EIF4B: variants seen among roughly 807,000 people sequenced by gnomAD.
The protein encoded by EIF4B is eukaryotic translation initiation factor 4B.
Under a neutral mutation model 79.3 loss-of-function variants are expected in EIF4B, and 8 were observed. The ratio of observed to expected loss-of-function variants is 0.10; its 90% CI spans 0.06 to 0.18. The LOEUF is 0.18. EIF4B is among the 10% of genes least tolerant of loss of function. The pLI is 1.00. For missense variants in EIF4B, 515 were observed against 792.4 expected (o/e 0.65, Z 4.20); for synonymous variants, 238 against 274.7 (o/e 0.87, Z 1.32).
chr12:53,034,522 G>A, intron 9 of EIF4B, 90 bp from the exon 10 acceptor site: 2 of 1,174,520 alleles, frequency 1.7e-6, no homozygotes, highest in South Asian at 2.5e-5. Context: ...TATAGATGAA[G>A]TAAGTGATGG....
chr12:53,019,694 G>A (rs1461817537), intron 3 of EIF4B, among the ~76,000 whole-genome samples: 1 of 88,038 alleles, frequency 1.1e-5, no homozygotes, highest in African/African-American at 3.1e-5. Context: ...TTTTTTTTTA[G>A]AGTTAAATTC....
intron 2 of EIF4B, among the ~76,000 whole-genome samples, chr12:53,017,930 G>A (rs139898777): frequency 1.2e-3 from 178 of 152,306 alleles, no homozygotes; most frequent in African/African-American, 4.2e-3. Flanking sequence ...TCCCATAGGT[G>A]TTGGTATCTG....
At chr12:53,008,076 G>T (rs1251489798) in intron 1 of EIF4B, among the ~76,000 whole-genome samples, 1 of 152,170 alleles carries the variant, frequency 6.6e-6, no homozygotes, top group Non-Finnish European at 1.5e-5. Flanking sequence ...GCTAGTAAAA[G>T]TCCTAAATAT....
intron 1 of EIF4B, among the ~76,000 whole-genome samples, chr12:53,006,930 G>C (rs934350636): frequency 6.6e-6 from 1 of 151,022 alleles, no homozygotes; most frequent in Admixed American, 6.6e-5. Flanking sequence ...GACCGGAGTG[G>C]GGGGTAGGGG....
intron 4 of EIF4B, among the ~76,000 whole-genome samples, 197 bp downstream of exon 4, chr12:53,020,223 C>T (rs147557196): frequency 6.6e-6 from 1 of 152,114 alleles, no homozygotes; most frequent in African/African-American, 2.4e-5. Flanking sequence ...TCAGTAGGCC[C>T]CAATAATTTA....
intron 1 of EIF4B, among the ~76,000 whole-genome samples, chr12:53,008,320 T>C (rs933923042): frequency 4.6e-5 from 7 of 152,234 alleles, no homozygotes; most frequent in Non-Finnish European, 8.8e-5. Context: ...ATATTTACTC[T>C]ACCCCCTTGA....
intron 1 of EIF4B, among the ~76,000 whole-genome samples, chr12:53,015,784 C>T (rs1355339662): frequency 6.6e-6 from 1 of 151,912 alleles, no homozygotes; most frequent in Non-Finnish European, 1.5e-5. Context: ...CAAGACCAGC[C>T]TGGCCAACAT....
intron 6 of EIF4B, among the ~76,000 whole-genome samples, chr12:53,022,958 G>A (rs1309551709): frequency 1.3e-5 from 2 of 152,044 alleles, no homozygotes; most frequent in East Asian, 3.9e-4. Flanking sequence ...AAGGCCAGGA[G>A]TTTGAGAGCA....
intron 1 of EIF4B, among the ~76,000 whole-genome samples, chr12:53,011,267 AT>A (rs773727860): frequency 3.3e-5 from 5 of 152,148 alleles, no homozygotes; most frequent in African/African-American, 7.2e-5. Context: ...ACCCTGTATG[AT>A]TTGGTGGGGT....
Position 53,038,395 on chromosome 12 carries a change from A to G in EIF4B, c.1560A>G (p.Glu520=), listed in dbSNP as rs967916005. Residue 520 remains glutamate, a synonymous_variant, in exon 12 of 15, where the codon GAA becomes GAG. Coordinates refer to ENST00000262056, the MANE Select transcript of EIF4B (RefSeq NM_001417.7). ...TAGCTCCAGCTCAACCATCTGAGGA[A>G]GGACCAGGAAGGAAAGGTGAGCTCA... is the stretch of plus-strand genomic sequence containing the variant. ...GKVAPAQPSE[E]GPGRKDENKV... The G allele has an allele frequency of 6.2e-7, 1 of 1,600,796 alleles. No individual in the cohort carries two copies. The highest frequency in any genetic ancestry group is 8.5e-7 in the Non-Finnish European group (1 of 1,173,196).
At position 53,041,939 on chromosome 12, in the gene EIF4B, G is replaced by T. The variant is rs1356391536; in HGVS notation, c.*1716G>T. ...TGATTGTAGATAATGAAAAGCTAGG[G>T]TTTGCCCTCTTCATGTCTACTCTCC... On this transcript the variant is annotated 3_prime_UTR_variant, in exon 15 of 15. Transcript: ENST00000262056. 1 of 152,484 alleles carries T rather than the reference G, an allele frequency of 6.6e-6. No homozygotes were observed. The highest frequency in any genetic ancestry group is 2.4e-5 in the African/African-American group (1 of 41,376). 9.4% of individuals were successfully genotyped at this position (152,484 alleles called of 1,614,324 possible).
intron 1 of EIF4B, among the ~76,000 whole-genome samples, chr12:53,007,926 T>C (rs1266131289): frequency 6.6e-6 from 1 of 152,240 alleles, no homozygotes; most frequent in African/African-American, 2.4e-5. Context: ...AAGGCCACAC[T>C]GCTCTCAGCT....
intron 1 of EIF4B, among the ~76,000 whole-genome samples, chr12:53,010,674 A>T (rs984247138): frequency 1.3e-5 from 2 of 152,146 alleles, no homozygotes; most frequent in Admixed American, 1.3e-4. Context: ...TTTGAGACAG[A>T]GTCTCACTAT....
rs759061266 is a variant in EIF4B at position 53,030,413 on chromosome 12, C to CTTTTTTTTTTTTTTTT, written c.979+2235_979+2250dup. ...GAAATAGGTTTTAAAAAATTATATT[C>CTTTTTTTTTTTTTTTT]TTTTTTTTTTTTTTTTTTTTTTTTT... On this transcript the variant is annotated intron_variant, in intron 8 of 14. Coordinates refer to ENST00000262056, the MANE Select transcript of EIF4B (RefSeq NM_001417.7). Among the ~76,000 whole-genome samples the CTTTTTTTTTTTTTTTT allele has an allele frequency of 2.1e-3, 89 of 43,084 alleles. 20 individuals are homozygous for CTTTTTTTTTTTTTTTT. Among genetic ancestry groups the CTTTTTTTTTTTTTTTT allele is most frequent in the African/African-American group, 3.7e-3 (71 of 19,186 alleles). 28.3% of individuals were successfully genotyped at this position (43,084 alleles called of 152,430 possible).
At chr12:53,017,447 C>T (rs1361749971) in intron 2 of EIF4B, among the ~76,000 whole-genome samples, 1 of 152,000 alleles carries the variant, frequency 6.6e-6, no homozygotes, top group African/African-American at 2.4e-5. Context: ...AAGTTCTGTG[C>T]CTTCAGGGAG....
chr12:53,006,624 C>T, intron 1 of EIF4B, 128 bp downstream of exon 1: 2 of 1,535,114 alleles, frequency 1.3e-6, no homozygotes, highest in Non-Finnish European at 8.9e-7. Flanking sequence ...CTGCGGCAGG[C>T]TGGCGGCGTG....
chr12:53,021,912 A>G, intron 5 of EIF4B, 52 bp downstream of exon 5: 2 of 1,605,000 alleles, frequency 1.2e-6, no homozygotes, highest in South Asian at 2.2e-5. Flanking sequence ...GGATGACACC[A>G]AGCCATCCTT....
At chr12:53,039,513 C>A in intron 13 of EIF4B, 117 bp from the exon 14 acceptor site, 2 of 1,324,982 alleles carry the variant, frequency 1.5e-6, no homozygotes, top group Non-Finnish European at 1.0e-6. Flanking sequence ...ATCATCCAGA[C>A]AACAAGGACT....
Position 53,039,650 on chromosome 12 carries a change from A to C in EIF4B, c.1703A>C (p.Gln568Pro). The C allele has an allele frequency of 5.6e-6, 9 of 1,613,858 alleles. No homozygotes were observed. Among genetic ancestry groups the C allele is most frequent in the Non-Finnish European group, 7.6e-6 (9 of 1,179,828 alleles). ...TGCAGGAAAGATGGCAAAAAGGATC[A>C]AGACTCCAGATCTGCACCTGAGCCA... ...ESDRKDGKKD[Q>P]DSRSAPEPKK... The change falls in exon 14 of 15, where the codon CAA (glutamine) becomes CCA (proline). Residue 568 changes from glutamine (Q) to proline (P), a missense_variant. Coordinates refer to ENST00000262056, the MANE Select transcript of EIF4B (RefSeq NM_001417.7).
Sources: gnomAD v4.1 joint callset for allele counts (sites outside exome capture counted in the v4.1 genomes callset) on GRCh38, gnomAD v4.1.1 for gene constraint, MANE v1.5 for transcripts, NCBI Gene and HGNC (gene_info 2026-07-23, HGNC 2026-07-21) for gene names.